The following FGF11 variants were observed in gnomAD, a reference collection of about 807,000 sequenced individuals.
The protein encoded by FGF11 is fibroblast growth factor 11, also known as fibroblast growth factor homologous factor 3.
A neutral mutation model predicts 25.1 loss-of-function variants in FGF11; 25 were observed. The ratio of observed to expected loss-of-function variants is 1.00; its 90% CI spans 0.73 to 1.39. FGF11 has a LOEUF of 1.39. Ranked by LOEUF, FGF11 falls within the 40% of genes most tolerant of loss-of-function variation. The pLI, the probability that FGF11 is intolerant of heterozygous loss-of-function variation, is 0.00. For missense variants in FGF11, 320 were observed against 311.0 expected (o/e 1.03, Z -0.22); for synonymous variants, 130 against 128.9 (o/e 1.01, Z -0.06).
upstream of FGF11, chr17:7,439,409 T>G (rs2150832557): frequency 2.4e-6 from 1 of 422,882 alleles, no homozygotes; most frequent in East Asian, 3.9e-5. Context: ...CTGGATCTGG[T>G]GGAGCCAGCA....
At position 7,441,870 on chromosome 17, in the gene FGF11, C is replaced by G. The variant is rs371824768; in HGVS notation, c.399C>G (p.Leu133=). The G allele has an allele frequency of 6.2e-7, 1 of 1,600,620 alleles. No individual in the cohort carries two copies. Among genetic ancestry groups the G allele is most frequent in the Non-Finnish European group, 8.5e-7 (1 of 1,174,708 alleles). Residue 133 remains leucine (L), a synonymous_variant, in exon 3 of 5, where the codon CTC becomes CTG. Transcript: ENST00000293829. Reference sequence around the variant, plus strand: ...TGGCCATGAATGCTGAGGGACTGCTCTACAGTTCGGTGAGACAATGAGGCT... The same window carrying G: ...TGGCCATGAATGCTGAGGGACTGCTGTACAGTTCGGTGAGACAATGAGGCT... ...HYMAMNAEGL[L]YSSPHFTAEC...
Position 7,443,092 on chromosome 17 carries a change from G to T in FGF11, c.624G>T (p.Glu208Asp). ...CCTTCACAGTGGCCATGTACCAGGA[G>T]CCTTCTCTCCACAGTGTCCCCGAGG... ...PKLLEVAMYQEPSLHSVPEAS... is the reference protein window; with the variant it reads ...PKLLEVAMYQDPSLHSVPEAS... Residue 208 changes from glutamate to aspartate, a missense_variant, in exon 5 of 5, where the codon GAG becomes GAT. By Grantham distance (45) the Glu-to-Asp change is conservative. Transcript: ENST00000293829. The T allele has an allele frequency of 6.2e-7, 1 of 1,612,524 alleles. No individual in the cohort carries two copies. Among genetic ancestry groups the T allele is most frequent in the Non-Finnish European group, 8.5e-7 (1 of 1,178,758 alleles).
chr17:7,441,572 A>T lies in FGF11; in HGVS notation c.295A>T (p.Ser99Cys), dbSNP rs1908327323. The change falls in exon 2 of 5, where the codon AGC becomes TGC. Residue 99 changes from serine to cysteine, a missense_variant. By Grantham distance (112) the Ser-to-Cys change is moderately radical. Coordinates refer to ENST00000293829, the MANE Select transcript of FGF11 (RefSeq NM_004112.4). Reference protein sequence around the residue: ...GSIQGTPEDTSSFTHFNLIPV... With the variant: ...GSIQGTPEDTCSFTHFNLIPV... ...CATCCAGGGCACCCCAGAGGATACC[A>T]GCTCCTTCAGTGAGAGGGGAAGCTG... 2.5e-6 allele frequency: 4 copies of T among 1,614,068 alleles called. No individual in the cohort carries two copies.
chr17:7,443,200 C>T lies in FGF11; in HGVS notation c.*54C>T. On this transcript the variant is annotated 3_prime_UTR_variant, in exon 5 of 5. Transcript: ENST00000293829. ...GCACTCCCAGTGAGCCAGCCACCAC[C>T]ACAACCTGTCTCCCAGTCCTGCTCT... 8.9e-7 allele frequency: 1 copy of T among 1,126,730 alleles called. No individual in the cohort carries two copies. The highest frequency in any genetic ancestry group is 2.4e-5 in the East Asian group (1 of 42,482). 69.8% of individuals were successfully genotyped at this position (1,126,730 alleles called of 1,614,324 possible). A position where few individuals can be genotyped will look rare whatever the true frequency, so the allele number is the denominator to read the frequency against.
Position 7,441,980 on chromosome 17 carries a change from C to T in FGF11, c.408+101C>T. ...ACCTTCCTCAACTACAGACATTTTG[C>T]CCGGGACTCCTCCCTCCAGCTTTGC... On this transcript the variant is annotated intron_variant, in intron 3 of 4. Transcript: ENST00000293829. 4 of 861,362 alleles carry T rather than the reference C, an allele frequency of 4.6e-6. No homozygotes were observed. The South Asian group carries it at 5.4e-5, about 12-fold the overall frequency. The allele number at this position is 861,362 out of a possible 1,614,324, so 53.4% of individuals were successfully genotyped here.
At chr17:7,441,416 G>T in intron 1 of FGF11, 55 bp from the exon 2 acceptor site, 2 of 1,608,648 alleles carry the variant, frequency 1.2e-6, no homozygotes, top group South Asian at 2.2e-5. Context: ...CCAAGTGTAG[G>T]AATGTTTCTG....
chr17:7,439,830 CG>C lies in FGF11; in HGVS notation c.193+21del. The C allele has an allele frequency of 7.1e-7, 1 of 1,403,516 alleles. No homozygotes were observed. The allele number at this position is 1,403,516 out of a possible 1,614,324, so 86.9% of individuals were successfully genotyped here. Reference sequence around the variant, plus strand: ...GCGGCCCGGGTGAGTGCGGCTGGGGCGGGGTCTCCCGGCCAGAGGTTTCTCT... The same window carrying C: ...GCGGCCCGGGTGAGTGCGGCTGGGGCGGGTCTCCCGGCCAGAGGTTTCTCT... On this transcript the variant is annotated intron_variant, in intron 1 of 4. Coordinates refer to ENST00000293829, the MANE Select transcript of FGF11 (RefSeq NM_004112.4).
At chr17:7,439,320 A>T (rs1213303973), upstream of FGF11, 1 of 300,672 alleles carries the variant, frequency 3.3e-6, no homozygotes, top group Non-Finnish European at 6.1e-6. Context: ...GAGGACAGAC[A>T]CTGGAGAGGA....
chr17:7,442,675 C>T lies in FGF11; in HGVS notation c.490C>T (p.Gln164Ter). The T allele has an allele frequency of 6.2e-7, 1 of 1,614,218 alleles. No homozygotes were observed. Among genetic ancestry groups the T allele is most frequent in the Non-Finnish European group, 8.5e-7 (1 of 1,180,042 alleles). Residue 164 changes from glutamine (Q) to a stop codon, truncating the protein, a stop_gained, in exon 4 of 5, where the codon CAG becomes TAG. Coordinates refer to ENST00000293829, the MANE Select transcript of FGF11 (RefSeq NM_004112.4). LOFTEE classifies it high-confidence loss of function. ...YVLYASALYR[Q>*]RRSGRAWYLG... ...CCTGTACGCCTCTGCTCTCTACCGC[C>T]AGCGTCGTTCTGGCCGGGCCTGGTA...
chr17:7,441,864 A>G lies in FGF11; in HGVS notation c.393A>G (p.Gly131=). The G allele has an allele frequency of 6.2e-7, 1 of 1,607,590 alleles. No individual in the cohort carries two copies. The highest frequency in any genetic ancestry group is 8.5e-7 in the Non-Finnish European group (1 of 1,177,328). Residue 131 remains glycine, a synonymous_variant, in exon 3 of 5, where the codon GGA becomes GGG. Coordinates refer to ENST00000293829, the MANE Select transcript of FGF11 (RefSeq NM_004112.4). ...ACTACATGGCCATGAATGCTGAGGG[A>G]CTGCTCTACAGTTCGGTGAGACAAT... ...LGHYMAMNAE[G]LLYSSPHFTA... is the part of the protein sequence containing the mutation.
Position 7,442,693 on chromosome 17 carries a change from G to T in FGF11, c.508G>T (p.Ala170Ser). ...CTACCGCCAGCGTCGTTCTGGCCGG[G>T]CCTGGTACCTCGGCCTGGACAAGGA... ...ALYRQRRSGR[A>S]WYLGLDKEGQ... The change falls in exon 4 of 5, where the codon GCC (alanine) becomes TCC (serine). Residue 170 changes from alanine (A) to serine (S), a missense_variant. Transcript: ENST00000293829. The T allele has an allele frequency of 6.2e-7, 1 of 1,614,184 alleles. No homozygotes were observed. Among genetic ancestry groups the T allele is most frequent in the South Asian group, 1.1e-5 (1 of 91,082 alleles).
At chr17:7,442,096 T>A in intron 3 of FGF11, 1 of 483,242 alleles carries the variant, frequency 2.1e-6, no homozygotes, top group Non-Finnish European at 3.6e-6. Flanking sequence ...CAGCCCCAGG[T>A]TCTTTGAATG....
At position 7,443,269 on chromosome 17, in the gene FGF11, T is replaced by G. The variant is rs1908431344; in HGVS notation, c.*123T>G. Reference sequence around the variant, plus strand: ...CATGCCCTGAGCAGCCAGGTCCCACTAGGTGCTCTACCCTGAGGGAGCCTA... The same window carrying G: ...CATGCCCTGAGCAGCCAGGTCCCACGAGGTGCTCTACCCTGAGGGAGCCTA... On this transcript the variant is annotated 3_prime_UTR_variant, in exon 5 of 5. Transcript: ENST00000293829. The G allele has an allele frequency of 1.2e-5, 8 of 646,090 alleles. No homozygotes were observed. The highest frequency in any genetic ancestry group is 2.2e-5 in the Non-Finnish European group (8 of 369,044). The allele number at this position is 646,090 out of a possible 1,614,324, so 40.0% of individuals were successfully genotyped here.
At chr17:7,439,362 ACT>A, upstream of FGF11, 1 of 355,794 alleles carries the variant, frequency 2.8e-6, no homozygotes. Flanking sequence ...AGGAGGCAAA[ACT>A]CGAGGGTGGG....
chr17:7,442,761 A>G lies in FGF11; in HGVS notation c.576A>G (p.Ala192=). 1 of 1,614,124 alleles carries G rather than the reference A, an allele frequency of 6.2e-7. No individual in the cohort carries two copies. Among genetic ancestry groups the G allele is most frequent in the Non-Finnish European group, 8.5e-7 (1 of 1,180,024 alleles). ...MKGNRVKKTK[A]AAHFLPKLLE... ...GAAACCGAGTTAAGAAGACCAAGGC[A>G]GCTGCCCACTTTCTGCCCAAGCTCC... The change falls in exon 4 of 5, where the codon GCA becomes GCG. Residue 192 remains alanine (A), a synonymous_variant. Transcript: ENST00000293829.
At chr17:7,442,851 C>A in intron 4 of FGF11, 59 bp downstream of exon 4, 1 of 1,513,210 alleles carries the variant, frequency 6.6e-7, no homozygotes, top group Non-Finnish European at 9.2e-7. Context: ...TTGATATGGA[C>A]ATTTAGGGGC....
chr17:7,440,632 A>T lies in FGF11; in HGVS notation c.193+819A>T. 2.0e-6 allele frequency: 2 copies of T among 982,502 alleles called. No homozygotes were observed. Among genetic ancestry groups the T allele is most frequent in the Non-Finnish European group, 2.4e-6 (2 of 827,522 alleles). 60.9% of individuals were successfully genotyped at this position (982,502 alleles called of 1,614,324 possible). On this transcript the variant is annotated intron_variant, in intron 1 of 4. Transcript: ENST00000293829. The surrounding 1 kb of genome is among the most constrained non-coding windows in gnomAD (Gnocchi z 5.4). ...CCCCGTCCATGTACGACAGTCAGGG[A>T]GTCCCTCTGGCCCTGCTCCCGCCCG...
At chr17:7,439,912 C>A in intron 1 of FGF11, 99 bp downstream of exon 1, 2 of 1,052,532 alleles carry the variant, frequency 1.9e-6, no homozygotes, top group Non-Finnish European at 2.5e-6. Context: ...GAGGGGCTCC[C>A]CGAAAGTGGA....
intron 1 of FGF11, chr17:7,441,098 C>T: frequency 8.4e-6 from 3 of 355,120 alleles, no homozygotes; most frequent in Non-Finnish European, 1.3e-5. Context: ...CCCCCACCTT[C>T]GCAAACACGC....
Sources: gnomAD v4.1 joint callset for allele counts on GRCh38, gnomAD v4.1.1 for gene constraint, Gnocchi (gnomAD v3.1) non-coding constraint, MANE v1.5 for transcripts, NCBI Gene and HGNC (gene_info 2026-07-23, HGNC 2026-07-21) for gene names.